Variants in CAP2 observed in about 807,000 individuals in gnomAD.
The protein encoded by CAP2 is cyclase associated actin cytoskeleton regulatory protein 2.
A neutral mutation model predicts 57.7 loss-of-function variants in CAP2; 24 were observed. That is an observed-to-expected ratio of 0.42 (90% confidence interval 0.30 to 0.58). The LOEUF (loss-of-function observed/expected upper bound fraction) is 0.58, where lower values mean the gene tolerates loss of function less well. Ranked by LOEUF, CAP2 falls within the 20% of genes least tolerant of loss-of-function variation. The pLI, the probability that CAP2 is intolerant of heterozygous loss-of-function variation, is 0.22. For missense variants in CAP2, 501 were observed against 590.3 expected, an observed-to-expected ratio of 0.85 and a Z score of 1.57; for synonymous variants, 194 against 207.2, an observed-to-expected ratio of 0.94 and a Z score of 0.55.
chr6:17,451,041 G>C (rs1760388374), intron 3 of CAP2, among the ~76,000 whole-genome samples: 2 of 152,170 alleles, frequency 1.3e-5, no homozygotes, highest in African/African-American at 4.8e-5. Context: ...CCATCAGACT[G>C]TAAATTTAGA....
intron 1 of CAP2, among the ~76,000 whole-genome samples, chr6:17,416,589 G>T (rs1362739453): frequency 6.6e-6 from 1 of 152,066 alleles, no homozygotes; most frequent in Non-Finnish European, 1.5e-5. Flanking sequence ...GTGTATTTTT[G>T]GTGGCAACTC....
chr6:17,397,405 C>T (rs1464611209), intron 1 of CAP2, among the ~76,000 whole-genome samples: 3 of 151,932 alleles, frequency 2.0e-5, no homozygotes, highest in Admixed American at 6.6e-5. Context: ...TAAGAATTAC[C>T]CACATTGGGC....
chr6:17,419,174 G>A (rs748262974), intron 1 of CAP2, among the ~76,000 whole-genome samples: 2 of 152,186 alleles, frequency 1.3e-5, no homozygotes, highest in Non-Finnish European at 2.9e-5. Flanking sequence ...GCAGTGGCAC[G>A]TCATCACTGT....
chr6:17,467,744 T>G (rs1002349836), intron 4 of CAP2, among the ~76,000 whole-genome samples: 3 of 152,124 alleles, frequency 2.0e-5, no homozygotes, highest in Admixed American at 2.0e-4. Context: ...AGGCTGGTCT[T>G]GAACTCCTGA....
chr6:17,478,790 A>G (rs1761218604), intron 4 of CAP2, among the ~76,000 whole-genome samples: 1 of 151,830 alleles, frequency 6.6e-6, no homozygotes, highest in Non-Finnish European at 1.5e-5. Flanking sequence ...CCTCCTTATC[A>G]TTTGACCAAA....
Position 17,539,349 on chromosome 6 carries a change from TC to T in CAP2, c.719del (p.Pro240LeufsTer105). 6.2e-7 allele frequency: 1 copy of T among 1,613,992 alleles called. No individual in the cohort carries two copies. On this transcript the variant is annotated frameshift_variant, in exon 8 of 13. Coordinates refer to ENST00000229922, the MANE Select transcript of CAP2 (RefSeq NM_006366.3). LOFTEE classifies it high-confidence loss of function. ...GLPPPPPPLP[P>X]PGPPPLFENE... The stretch of plus-strand genomic sequence containing the variant: ...TTCCTCCACCCCCTCCTCCTCTGCC[TC>T]CTCCAGGGCCACCTCCACTTTTCGA...
At chr6:17,507,038 G>T in intron 4 of CAP2, 131 bp from the exon 5 acceptor site, 1 of 839,590 alleles carries the variant, frequency 1.2e-6, no homozygotes. Context: ...TCTCAAAGAT[G>T]ATTATATGTT....
rs1379331152 is a variant in CAP2 at position 17,507,533 on chromosome 6, A to G, written c.445-108A>G. The G allele has an allele frequency of 1.2e-5, 10 of 812,794 alleles. No homozygotes were observed. The East Asian group carries it at 2.2e-4, about 18-fold the overall frequency. 50.3% of individuals were successfully genotyped at this position (812,794 alleles called of 1,614,324 possible). On this transcript the variant is annotated intron_variant, in intron 5 of 12. Transcript: ENST00000229922. Reference sequence around the variant, plus strand: ...CTTTACAGAGCAACATGTGCCTCCCACTTTCAAGTCCACGCGTCTCCATTG... The same window carrying G: ...CTTTACAGAGCAACATGTGCCTCCCGCTTTCAAGTCCACGCGTCTCCATTG...
intron 11 of CAP2, among the ~76,000 whole-genome samples, chr6:17,544,806 C>T (rs370266927): frequency 2.0e-5 from 3 of 152,158 alleles, no homozygotes; most frequent in African/African-American, 4.8e-5. Flanking sequence ...CCACCTGCCT[C>T]GGCCTCCCAA....
Position 17,496,030 on chromosome 6 carries a change from G to GGGGA in CAP2, c.301-11136_301-11135insAGGG, listed in dbSNP as rs1561804637. Among the ~76,000 whole-genome samples, 14 of 41,182 alleles carry GGGGA rather than the reference G, an allele frequency of 3.4e-4. 2 individuals are homozygous for GGGGA. The highest frequency in any genetic ancestry group is 1.2e-3 in the Admixed American group (4 of 3,462). The allele number at this position is 41,182 out of a possible 152,430, so 27.0% of individuals were successfully genotyped here. Reference sequence around the variant, plus strand: ...CTGCTGTGCATGCGTGTGTGGGTGGGGGGGGGGGGTAAGTCAGGGAAAACA... The same window carrying GGGGA: ...CTGCTGTGCATGCGTGTGTGGGTGGGGGGAGGGGGGGGGTAAGTCAGGGAAAACA... On this transcript the variant is annotated intron_variant, in intron 4 of 12. Coordinates refer to ENST00000229922, the MANE Select transcript of CAP2 (RefSeq NM_006366.3).
intron 7 of CAP2, among the ~76,000 whole-genome samples, chr6:17,515,129 G>A (rs796160433): frequency 3.3e-5 from 5 of 151,960 alleles, no homozygotes; most frequent in African/African-American, 7.2e-5. Context: ...TCCGGGAGGC[G>A]GAGATTGCAG....
At chr6:17,547,368 T>C (rs1231862188) in intron 11 of CAP2, among the ~76,000 whole-genome samples, 1 of 150,940 alleles carries the variant, frequency 6.6e-6, no homozygotes, top group Non-Finnish European at 1.5e-5. Flanking sequence ...ATTTCATAAC[T>C]GAATTGAGTG....
intron 7 of CAP2, among the ~76,000 whole-genome samples, chr6:17,516,803 C>G (rs1280644140): frequency 6.6e-6 from 1 of 152,146 alleles, no homozygotes; most frequent in Non-Finnish European, 1.5e-5. Flanking sequence ...GAGTGTGGGG[C>G]CTTCTACATT....
chr6:17,395,475 AAG>A (rs1377641277), intron 1 of CAP2, among the ~76,000 whole-genome samples: 1 of 152,192 alleles, frequency 6.6e-6, no homozygotes, highest in Non-Finnish European at 1.5e-5. Flanking sequence ...ACACAAAAGT[AAG>A]AGAGAAGGGA....
chr6:17,455,382 AC>A (rs1009682297), intron 3 of CAP2, among the ~76,000 whole-genome samples: 1 of 152,026 alleles, frequency 6.6e-6, no homozygotes, highest in Non-Finnish European at 1.5e-5. Context: ...TGGACAGCCC[AC>A]CCCGAGGGAA....
chr6:17,547,637 T>C (rs147765369), intron 11 of CAP2, among the ~76,000 whole-genome samples: 9,579 of 151,996 alleles, frequency 0.063, 378 homozygotes, highest in Middle Eastern at 0.12. Flanking sequence ...GTCCGGAGAT[T>C]GAGACCATCC....
At chr6:17,402,782 G>T (rs1052216809) in intron 1 of CAP2, among the ~76,000 whole-genome samples, 1 of 152,110 alleles carries the variant, frequency 6.6e-6, no homozygotes, top group Non-Finnish European at 1.5e-5. Flanking sequence ...TCAGTTTTCT[G>T]CAACTTAACT....
intron 7 of CAP2, among the ~76,000 whole-genome samples, chr6:17,519,209 C>T (rs1042490540): frequency 6.6e-6 from 1 of 152,150 alleles, no homozygotes; most frequent in Non-Finnish European, 1.5e-5. Flanking sequence ...CTGAAAGTCC[C>T]TGATCCCATC....
At chr6:17,541,369 C>T (rs1023369049) in intron 9 of CAP2, among the ~76,000 whole-genome samples, 2 of 151,872 alleles carry the variant, frequency 1.3e-5, no homozygotes, top group Non-Finnish European at 2.9e-5. Context: ...CACCTGAGGT[C>T]AGGAGTTCGA....
Sources: allele counts gnomAD v4.1 joint callset (sites outside exome capture counted in the v4.1 genomes callset), GRCh38; gene constraint gnomAD v4.1.1; transcripts MANE v1.5; gene names NCBI Gene and HGNC (gene_info 2026-07-23, HGNC 2026-07-21).